The following PRKG1 variants were observed in gnomAD, a reference collection of about 807,000 sequenced individuals.
PRKG1 encodes the protein cGMP-dependent protein kinase 1.
A neutral mutation model predicts 88.1 loss-of-function variants in PRKG1; 35 were observed. That is an observed-to-expected ratio of 0.40 (90% CI 0.30 to 0.53). The LOEUF (loss-of-function observed/expected upper bound fraction) is 0.53, where lower values mean the gene tolerates loss of function less well. Among genes scored for constraint, PRKG1 ranks in the 20% least tolerant of loss-of-function variants. The pLI, the probability that PRKG1 is intolerant of heterozygous loss-of-function variation, is 0.59. For missense variants in PRKG1, 540 were observed against 839.8 expected, an observed-to-expected ratio of 0.64 and a Z score of 4.41; for synonymous variants, 303 against 292.5, an observed-to-expected ratio of 1.04 and a Z score of -0.37.
chr10:51,380,840 C>G lies in PRKG1; in HGVS notation c.479-86883C>G, dbSNP rs56293843. ...TATAAGGGGAATAATGAAACTTAGG[C>G]GACGTCCAGGAAGATTGTAACCCCA... On this transcript the variant is annotated intron_variant, in intron 2 of 17. Coordinates refer to ENST00000373980, the MANE Select transcript of PRKG1 (RefSeq NM_006258.4). Among the ~76,000 whole-genome samples the G allele has an allele frequency of 2.9e-3, 435 of 152,098 alleles. 3 individuals carry two copies. Among genetic ancestry groups the G allele is most frequent in the African/African-American group, 0.01 (421 of 41,464 alleles).
intron 5 of PRKG1, among the ~76,000 whole-genome samples, chr10:51,920,338 A>G (rs1202730979): frequency 1.3e-5 from 2 of 152,166 alleles, no homozygotes; most frequent in African/African-American, 4.8e-5. Context: ...TTGATTTTCC[A>G]GTATAAGGCC....
At chr10:51,592,816 T>C (rs1838346376) in intron 3 of PRKG1, among the ~76,000 whole-genome samples, 1 of 152,212 alleles carries the variant, frequency 6.6e-6, no homozygotes, top group Non-Finnish European at 1.5e-5. Flanking sequence ...GTTTGTATGC[T>C]ACATCTCATG....
chr10:51,929,586 A>G (rs1842647205), intron 5 of PRKG1, among the ~76,000 whole-genome samples: 1 of 151,944 alleles, frequency 6.6e-6, no homozygotes, highest in Admixed American at 6.6e-5. Flanking sequence ...CCTGACCTCA[A>G]GTGATCTGCC....
intron 2 of PRKG1, among the ~76,000 whole-genome samples, chr10:51,203,946 T>C (rs986841265): frequency 3.9e-5 from 6 of 152,196 alleles, no homozygotes; most frequent in Admixed American, 3.3e-4. Flanking sequence ...TTGCCTAGGG[T>C]GATATAAGTG....
intron 2 of PRKG1, among the ~76,000 whole-genome samples, chr10:51,361,632 A>T (rs192027460): frequency 5.3e-5 from 8 of 151,946 alleles, no homozygotes; most frequent in Admixed American, 4.6e-4. Flanking sequence ...TCTAGGTTAA[A>T]CCTATCTCAT....
chr10:52,069,547 G>C (rs999052519), intron 7 of PRKG1, among the ~76,000 whole-genome samples: 9 of 144,590 alleles, frequency 6.2e-5, no homozygotes, highest in Non-Finnish European at 1.1e-4. Context: ...AAAAAGAAAA[G>C]ATAAAACAAT....
At chr10:51,651,302 C>G (rs567262155) in intron 3 of PRKG1, among the ~76,000 whole-genome samples, 1 of 152,182 alleles carries the variant, frequency 6.6e-6, no homozygotes, top group Non-Finnish European at 1.5e-5. Flanking sequence ...ATATTACTCC[C>G]CAGTCTAATC....
chr10:51,131,599 C>T lies in PRKG1; in HGVS notation c.312-21565C>T, dbSNP rs558071533. On this transcript the variant is annotated intron_variant, in intron 1 of 17. Coordinates refer to ENST00000373980, the MANE Select transcript of PRKG1 (RefSeq NM_006258.4). ...CCATCTCTATATACATACATACATA[C>T]GTGCATACATACATACATACATACA... Among the ~76,000 whole-genome samples the T allele has an allele frequency of 2.6e-4, 39 of 152,152 alleles. 1 individual carries two copies. In the South Asian group the frequency reaches 8.1e-3, roughly 32 times the overall value.
At chr10:51,381,453 G>A (rs1158492767) in intron 2 of PRKG1, among the ~76,000 whole-genome samples, 2 of 151,932 alleles carry the variant, frequency 1.3e-5, no homozygotes, top group Non-Finnish European at 2.9e-5. Flanking sequence ...CAGTGATTGA[G>A]TGATTCACAA....
intron 2 of PRKG1, among the ~76,000 whole-genome samples, chr10:51,198,062 A>G (rs1837816382): frequency 6.6e-6 from 1 of 152,174 alleles, no homozygotes; most frequent in South Asian, 2.1e-4. Context: ...TTTTGCTTTT[A>G]TTATTTTGTT....
In PRKG1 at chr10:51,037,008, C is replaced by G. The variant is rs181664475; in HGVS notation, c.266+45364C>G. Among the ~76,000 whole-genome samples the G allele has an allele frequency of 2.7e-3, 411 of 152,284 alleles. 1 individual carries two copies. Among genetic ancestry groups the G allele is most frequent in the African/African-American group, 9.2e-3 (384 of 41,566 alleles). On this transcript the variant is annotated intron_variant, in intron 1 of 17. Transcript: ENST00000401604. ...TTAACAAATTCTAAATTTTCTGGAA[C>G]AGTGAGGCTTTTCTATGTTTAGGTA... is the stretch of plus-strand genomic sequence containing the variant.
At chr10:51,698,297 AT>A in intron 3 of PRKG1, 1 of 1,614,028 alleles carries the variant, frequency 6.2e-7, no homozygotes, top group Non-Finnish European at 8.5e-7. Flanking sequence ...ACGAGTCTCC[AT>A]CGCTCGAGAA....
At chr10:51,133,464 C>T (rs974144881) in intron 1 of PRKG1, among the ~76,000 whole-genome samples, 1 of 152,122 alleles carries the variant, frequency 6.6e-6, no homozygotes, top group African/African-American at 2.4e-5. Context: ...TGTTTTCATG[C>T]TCATTTTACA....
intron 1 of PRKG1, among the ~76,000 whole-genome samples, chr10:51,030,179 A>C (rs571642613): frequency 6.6e-6 from 1 of 152,212 alleles, no homozygotes; most frequent in South Asian, 2.1e-4. Flanking sequence ...AGGGTCAAAT[A>C]AATACCAATG....
chr10:51,331,439 G>A (rs1841738500), intron 2 of PRKG1, among the ~76,000 whole-genome samples: 1 of 152,098 alleles, frequency 6.6e-6, no homozygotes, highest in Non-Finnish European at 1.5e-5. Flanking sequence ...CAGGTCTGGG[G>A]GTTTCTGTCC....
intron 4 of PRKG1, among the ~76,000 whole-genome samples, chr10:51,888,631 A>C (rs118104337): frequency 1.6e-4 from 25 of 152,306 alleles, no homozygotes; most frequent in Non-Finnish European, 2.9e-4. Context: ...CTAATTAAGC[A>C]ATCTAAGATT....
At chr10:51,461,429 C>T (rs1332645151) in intron 2 of PRKG1, among the ~76,000 whole-genome samples, 2 of 151,994 alleles carry the variant, frequency 1.3e-5, no homozygotes, top group African/African-American at 2.4e-5. Context: ...GAAAAAAAAC[C>T]TAATACATAT....
chr10:52,254,159 C>T (rs180813964), intron 10 of PRKG1, among the ~76,000 whole-genome samples: 45 of 152,018 alleles, frequency 3.0e-4, no homozygotes, highest in Middle Eastern at 3.4e-3. Context: ...AACATTGTCA[C>T]GGAATATAAT....
chr10:51,478,419 A>G (rs1840261055), intron 3 of PRKG1, among the ~76,000 whole-genome samples: 1 of 152,068 alleles, frequency 6.6e-6, no homozygotes, highest in South Asian at 2.1e-4. Context: ...CATAATTTTT[A>G]TAAGAATGCA....
Sources: gnomAD v4.1 joint callset for allele counts (sites outside exome capture counted in the v4.1 genomes callset) on GRCh38, gnomAD v4.1.1 for gene constraint, MANE v1.5 for transcripts, NCBI Gene and HGNC (gene_info 2026-07-23, HGNC 2026-07-21) for gene names.